The following RPS6KC1 variants were observed in gnomAD, a reference collection of about 807,000 sequenced individuals.
RPS6KC1 encodes inactive ribosomal protein S6 kinase delta-1.
In RPS6KC1, 54 loss-of-function variants were observed where a neutral mutation model predicts 103.8. That is an observed-to-expected ratio of 0.52 (90% CI 0.42 to 0.65). The LOEUF is 0.65. Ranked by LOEUF, RPS6KC1 falls within the 30% of genes least tolerant of loss-of-function variation. The pLI, the probability that RPS6KC1 is intolerant of heterozygous loss-of-function variation, is 0.00. For synonymous variants in RPS6KC1, 439 were observed against 438.7 expected (o/e 1.00, Z -0.01); for missense variants, 1,151 against 1,253.8 (o/e 0.92, Z 1.24).
At chr1:213,498,293 AT>A in the RPS6KC1 span, among the ~76,000 whole-genome samples, 1 of 152,216 alleles carries the variant, frequency 6.6e-6, no homozygotes, top group South Asian at 2.1e-4. Flanking sequence ...TAAAAAATAC[AT>A]TATGGCCAAG....
the RPS6KC1 span, among the ~76,000 whole-genome samples, chr1:213,630,147 G>A: frequency 6.8e-4 from 103 of 152,300 alleles, no homozygotes; most frequent in Non-Finnish European, 1.2e-3. Context: ...CTAGATTGGG[G>A]AAGTTCTCGT....
the RPS6KC1 span, among the ~76,000 whole-genome samples, chr1:213,773,892 T>C: frequency 6.6e-6 from 1 of 152,238 alleles, no homozygotes; most frequent in Non-Finnish European, 1.5e-5. Context: ...ATAACTGTGC[T>C]CTATAGGCCT....
At chr1:213,266,551 A>C (rs150817241) in intron 14 of RPS6KC1, among the ~76,000 whole-genome samples, 187 of 152,254 alleles carry the variant, frequency 1.2e-3, no homozygotes, top group South Asian at 2.9e-3. Flanking sequence ...AAAACCAGTC[A>C]TTTCAGTGCT....
At chr1:213,482,739 G>A in the RPS6KC1 span, among the ~76,000 whole-genome samples, 1 of 151,552 alleles carries the variant, frequency 6.6e-6, no homozygotes, top group Admixed American at 6.6e-5. Flanking sequence ...AGTAGAAATG[G>A]GGTTTCACCA....
chr1:213,821,788 T>C, the RPS6KC1 span: 1 of 152,218 alleles, frequency 6.6e-6, no homozygotes, highest in Non-Finnish European at 1.5e-5. Context: ...TTCTTTATGA[T>C]TCATCTCCCA....
chr1:213,821,343 C>A, the RPS6KC1 span: 4 of 152,258 alleles, frequency 2.6e-5, no homozygotes, highest in Non-Finnish European at 5.9e-5. Context: ...CAGGCATATC[C>A]ATGCCAGCCC....
the RPS6KC1 span, among the ~76,000 whole-genome samples, chr1:213,604,408 G>A: frequency 6.6e-6 from 1 of 152,228 alleles, no homozygotes; most frequent in Non-Finnish European, 1.5e-5. Context: ...GGACATTCAA[G>A]TTGTTTCTGA....
chr1:213,617,760 G>A, the RPS6KC1 span, among the ~76,000 whole-genome samples: 7 of 152,116 alleles, frequency 4.6e-5, no homozygotes, highest in Admixed American at 6.6e-5. Context: ...GATTAGTGCC[G>A]ACCAGTTGGT....
At chr1:213,441,952 A>G in the RPS6KC1 span, among the ~76,000 whole-genome samples, 1 of 152,352 alleles carries the variant, frequency 6.6e-6, no homozygotes, top group African/African-American at 2.4e-5. Flanking sequence ...TTTACTTTGT[A>G]CCCATAAATT....
At chr1:213,812,924 G>T in the RPS6KC1 span, among the ~76,000 whole-genome samples, 4 of 152,138 alleles carry the variant, frequency 2.6e-5, no homozygotes, top group Admixed American at 1.3e-4. Flanking sequence ...CTGACATGAA[G>T]AGAGGCTTTA....
the RPS6KC1 span, among the ~76,000 whole-genome samples, chr1:213,739,291 T>A: frequency 6.6e-6 from 1 of 152,384 alleles, no homozygotes; most frequent in East Asian, 1.9e-4. Context: ...ATTGTAAGAA[T>A]ACAGTATATA....
chr1:213,619,783 T>C, the RPS6KC1 span, among the ~76,000 whole-genome samples: 4 of 152,158 alleles, frequency 2.6e-5, no homozygotes, highest in African/African-American at 9.7e-5. Flanking sequence ...GTGAACCATA[T>C]ATGCAATTGA....
the RPS6KC1 span, among the ~76,000 whole-genome samples, chr1:213,570,126 G>C: frequency 6.6e-6 from 1 of 152,140 alleles, no homozygotes; most frequent in Non-Finnish European, 1.5e-5. Context: ...TAGTTATGAC[G>C]CAGACCTGGG....
the RPS6KC1 span, among the ~76,000 whole-genome samples, chr1:213,625,538 C>G: frequency 1.3e-5 from 2 of 152,132 alleles, no homozygotes; most frequent in Non-Finnish European, 2.9e-5. Flanking sequence ...AGTAACTTGT[C>G]ATTTAACATT....
intron 6 of RPS6KC1, among the ~76,000 whole-genome samples, chr1:213,145,883 A>T (rs190921211): frequency 1.8e-4 from 26 of 146,676 alleles, no homozygotes; most frequent in African/African-American, 6.3e-4. Flanking sequence ...ATTACACGCT[A>T]TGTTTTTAAA....
At chr1:213,165,065 C>A (rs894743490) in intron 6 of RPS6KC1, among the ~76,000 whole-genome samples, 5 of 151,864 alleles carry the variant, frequency 3.3e-5, no homozygotes, top group African/African-American at 1.2e-4. Context: ...TTAGAAATAT[C>A]CTGGAAATCT....
the RPS6KC1 span, chr1:213,840,628 ATCT>A: frequency 1.3e-5 from 2 of 152,168 alleles, no homozygotes; most frequent in African/African-American, 4.8e-5. Flanking sequence ...ATGAGGCAGT[ATCT>A]TCTTGATCTT....
At chr1:213,703,956 C>T in the RPS6KC1 span, among the ~76,000 whole-genome samples, 2 of 152,114 alleles carry the variant, frequency 1.3e-5, no homozygotes, top group Admixed American at 6.5e-5. Flanking sequence ...AGACCAGTAA[C>T]CCTTAGATTT....
intron 8 of RPS6KC1, among the ~76,000 whole-genome samples, chr1:213,192,831 A>G (rs1371298963): frequency 6.6e-6 from 1 of 152,120 alleles, no homozygotes; most frequent in African/African-American, 2.4e-5. Flanking sequence ...AGACACTTCC[A>G]GGTGTAAACT....
Sources: gnomAD v4.1 joint callset for allele counts (sites outside exome capture counted in the v4.1 genomes callset) on GRCh38, gnomAD v4.1.1 for gene constraint, MANE v1.5 for transcripts, NCBI Gene and HGNC (gene_info 2026-07-23, HGNC 2026-07-21) for gene names.